Variants in TMTC3 observed in about 807,000 individuals in gnomAD.
TMTC3 encodes transmembrane O-mannosyltransferase targeting cadherins 3.
TMTC3 carries 52 observed loss-of-function variants against 92.2 expected under a neutral mutation model. The ratio of observed to expected loss-of-function variants is 0.56; its 90% CI spans 0.45 to 0.71. The LOEUF (loss-of-function observed/expected upper bound fraction) is 0.71, where lower values mean the gene tolerates loss of function less well. Ranked by LOEUF, TMTC3 falls within the 30% of genes least tolerant of loss-of-function variation. The pLI, the probability that TMTC3 is intolerant of heterozygous loss-of-function variation, is 0.00. For synonymous variants in TMTC3, 339 were observed against 363.3 expected, an observed-to-expected ratio of 0.93 and a Z score of 0.76; for missense variants, 896 against 1,057.1, an observed-to-expected ratio of 0.85 and a Z score of 2.11.
chr12:88,157,010 A>G (rs185246548), intron 4 of TMTC3, among the ~76,000 whole-genome samples: 1 of 152,138 alleles, frequency 6.6e-6, no homozygotes, highest in East Asian at 1.9e-4. Flanking sequence ...CTGAAAATAC[A>G]TAGTTTACAT....
chr12:88,172,632 A>G lies in TMTC3; in HGVS notation c.1086A>G (p.Ala362=), dbSNP rs764615630. Residue 362 remains alanine, a synonymous_variant, in exon 8 of 14, where the codon GCA becomes GCG. Transcript: ENST00000266712. ...TAATGGCATTACCATTTATTCCTGC[A>G]TCGAACCTTTTTTTTCCAGTTGGAT... ...LCLMALPFIP[A]SNLFFPVGFV... The G allele has an allele frequency of 9.6e-6, 15 of 1,561,044 alleles. No individual in the cohort carries two copies. The highest frequency in any genetic ancestry group is 1.1e-5 in the Non-Finnish European group (13 of 1,155,438).
At chr12:88,148,122 G>A (rs945520037) in intron 1 of TMTC3, among the ~76,000 whole-genome samples, 166 bp from the exon 2 acceptor site, 18 of 152,050 alleles carry the variant, frequency 1.2e-4, no homozygotes, top group Admixed American at 1.0e-3. Flanking sequence ...TAAGAGATGG[G>A]GCTGAGTTTC....
intron 11 of TMTC3, among the ~76,000 whole-genome samples, chr12:88,189,659 T>C (rs1438640364): frequency 6.6e-6 from 1 of 152,130 alleles, no homozygotes; most frequent in Non-Finnish European, 1.5e-5. Flanking sequence ...AGTATCGAAA[T>C]TGGAAGATCT....
chr12:88,151,909 G>A (rs951731357), intron 2 of TMTC3, among the ~76,000 whole-genome samples: 1 of 152,158 alleles, frequency 6.6e-6, no homozygotes, highest in Non-Finnish European at 1.5e-5. Flanking sequence ...TAAGTAGATA[G>A]TACATTATGG....
intron 8 of TMTC3, 143 bp from the exon 9 acceptor site, chr12:88,174,464 G>A: frequency 3.2e-6 from 3 of 924,124 alleles, no homozygotes; most frequent in Non-Finnish European, 4.6e-6. Context: ...TCTAAAGTTG[G>A]GTGTTCATTA....
chr12:88,190,261 C>T (rs556084697), intron 11 of TMTC3, among the ~76,000 whole-genome samples, 192 bp from the exon 12 acceptor site: 1 of 152,088 alleles, frequency 6.6e-6, no homozygotes, highest in Non-Finnish European at 1.5e-5. Flanking sequence ...TTTCTGAAGT[C>T]AAACAAATCA....
intron 8 of TMTC3, among the ~76,000 whole-genome samples, chr12:88,174,006 C>CT (rs1472311062): frequency 3.3e-5 from 5 of 152,046 alleles, no homozygotes; most frequent in African/African-American, 9.7e-5. Flanking sequence ...AAAACACAGA[C>CT]TCAGAGACTA....
chr12:88,189,967 C>T (rs551501534), intron 11 of TMTC3, among the ~76,000 whole-genome samples: 4 of 151,944 alleles, frequency 2.6e-5, no homozygotes, highest in African/African-American at 9.6e-5. Flanking sequence ...ATTAACTATC[C>T]TATCACTATT....
rs2041143798 is a variant in TMTC3, at chr12:88,166,369, G to A, written c.837G>A (p.Arg279=). The A allele has an allele frequency of 6.2e-7, 1 of 1,613,556 alleles. No homozygotes were observed. Among genetic ancestry groups the A allele is most frequent in the East Asian group, 2.2e-5 (1 of 44,828 alleles). ...CTGCTGTAAGCCCAACTCCTACAAG[G>A]CAACTAACTTTTAACTACCTCCTTC... The part of the protein sequence containing the change: ...NPAAVSPTPT[R]QLTFNYLLPV... The change falls in exon 7 of 14, where the codon AGG becomes AGA. Residue 279 remains arginine (R), a synonymous_variant. Transcript: ENST00000266712.
rs112353308 is a variant in TMTC3, at chr12:88,142,599, G to A, written c.-29+112G>A. On this transcript the variant is annotated intron_variant, in intron 1 of 13. Transcript: ENST00000266712. ...GGCCTGGTCCCATTCTGAAAAAGTG[G>A]GAACACCCTGCCTTCTCTTCAGGCG... 825 of 152,482 alleles carry A rather than the reference G, an allele frequency of 5.4e-3. 6 individuals are homozygous for A. The highest frequency in any genetic ancestry group is 0.024 in the Middle Eastern group (7 of 296). 9.4% of individuals were successfully genotyped at this position (152,482 alleles called of 1,614,324 possible).
intron 4 of TMTC3, among the ~76,000 whole-genome samples, chr12:88,158,964 A>G (rs2041042469): frequency 6.6e-6 from 1 of 151,770 alleles, no homozygotes; most frequent in South Asian, 2.1e-4. Flanking sequence ...AGGCAGGAGA[A>G]TCACTCAAAG....
chr12:88,148,259 T>C lies in TMTC3; in HGVS notation c.-28-29T>C, dbSNP rs2040899635. Reference sequence around the variant, plus strand: ...AACTTACTTGGAATAAATATGTTCCTTATTTTATCTTCATGATTTTTTTTC... The same window carrying C: ...AACTTACTTGGAATAAATATGTTCCCTATTTTATCTTCATGATTTTTTTTC... On this transcript the variant is annotated intron_variant, in intron 1 of 13. Transcript: ENST00000266712. The C allele has an allele frequency of 2.8e-6, 4 of 1,412,308 alleles. No individual in the cohort carries two copies. The Admixed American group carries it at 5.9e-5, about 21-fold the overall frequency. The allele number at this position is 1,412,308 out of a possible 1,614,324, so 87.5% of individuals were successfully genotyped here.
chr12:88,150,795 G>A (rs1386606265), intron 2 of TMTC3, among the ~76,000 whole-genome samples: 4 of 151,996 alleles, frequency 2.6e-5, no homozygotes, highest in African/African-American at 9.7e-5. Flanking sequence ...GAAGATACGT[G>A]TCCACACGTA....
chr12:88,183,162 A>T (rs368918788), intron 10 of TMTC3, among the ~76,000 whole-genome samples: 10 of 152,128 alleles, frequency 6.6e-5, no homozygotes, highest in African/African-American at 2.2e-4. Flanking sequence ...GCTCTTTGTA[A>T]TTTTTCTCCC....
intron 1 of TMTC3, 66 bp from the exon 2 acceptor site, chr12:88,148,220 ACC>A: frequency 1.0e-6 from 1 of 953,690 alleles, no homozygotes; most frequent in Non-Finnish European, 1.6e-6. Flanking sequence ...TTACTTACCC[ACC>A]TACTAAAATT....
Position 88,153,370 on chromosome 12 carries a change from T to C in TMTC3, c.269T>C (p.Met90Thr). Reference sequence around the variant, plus strand: ...TATTTGTTAAGTGAACTAAAACCAATGTCATATCATCTCCTGAATATGATT... The same window carrying C: ...TATTTGTTAAGTGAACTAAAACCAACGTCATATCATCTCCTGAATATGATT... ...LNYLLSELKP[M>T]SYHLLNMIFH... Residue 90 changes from methionine (M) to threonine (T), a missense_variant, in exon 3 of 14, where the codon ATG becomes ACG. Transcript: ENST00000266712. 1.2e-6 allele frequency: 2 copies of C among 1,613,402 alleles called. No homozygotes were observed. Among genetic ancestry groups the C allele is most frequent in the Non-Finnish European group, 1.7e-6 (2 of 1,179,610 alleles).
intron 6 of TMTC3, among the ~76,000 whole-genome samples, chr12:88,163,597 G>A (rs145872349): frequency 6.6e-6 from 1 of 152,258 alleles, no homozygotes; most frequent in African/African-American, 2.4e-5. Context: ...ACTGTCTGCT[G>A]GTTTCTGGTG....
chr12:88,155,246 C>T (rs1023958818), intron 4 of TMTC3, among the ~76,000 whole-genome samples: 6 of 152,176 alleles, frequency 3.9e-5, no homozygotes, highest in Admixed American at 1.3e-4. Context: ...GTTCCATTCA[C>T]CGTAACACAT....
chr12:88,195,959 T>A lies in TMTC3; in HGVS notation c.*310T>A, dbSNP rs1201446912. ...CTTTACTGCTCTCAATTAAAAATAATTTTGAGGCCTGAATGATAATCCCTT... is the reference window on the plus strand; with the variant it reads ...CTTTACTGCTCTCAATTAAAAATAAATTTGAGGCCTGAATGATAATCCCTT... On this transcript the variant is annotated 3_prime_UTR_variant, in exon 14 of 14. Transcript: ENST00000266712. 2 of 193,182 alleles carry A rather than the reference T, an allele frequency of 1.0e-5. No homozygotes were observed. Among genetic ancestry groups the A allele is most frequent in the Non-Finnish European group, 2.1e-5 (2 of 94,672 alleles). The allele number at this position is 193,182 out of a possible 1,614,324, so 12.0% of individuals were successfully genotyped here.
Sources: gnomAD v4.1 joint callset for allele counts (sites outside exome capture counted in the v4.1 genomes callset) on GRCh38, gnomAD v4.1.1 for gene constraint, MANE v1.5 for transcripts, NCBI Gene and HGNC (gene_info 2026-07-23, HGNC 2026-07-21) for gene names.